Variants in PRUNE2 observed in about 807,000 individuals in gnomAD.
PRUNE2 encodes the protein protein prune homolog 2.
PRUNE2 carries 164 observed loss-of-function variants against 252.0 expected under a neutral mutation model. The observed-to-expected ratio is 0.65, with a 90% CI of 0.57 to 0.74. PRUNE2 has a LOEUF of 0.74. Ranked by LOEUF, PRUNE2 falls within the 30% of genes least tolerant of loss-of-function variation. The pLI is 0.00. For missense variants in PRUNE2, 3,495 were observed against 3,711.0 expected, an observed-to-expected ratio of 0.94 and a Z score of 1.51; for synonymous variants, 1,292 against 1,350.2, an observed-to-expected ratio of 0.96 and a Z score of 0.94.
chr9:76,639,003 T>C (rs1358226688), intron 12 of PRUNE2, among the ~76,000 whole-genome samples: 2 of 152,324 alleles, frequency 1.3e-5, no homozygotes, highest in Middle Eastern at 3.4e-3. Context: ...CACATTGGGC[T>C]CTGGGAGGAC....
intron 6 of PRUNE2, among the ~76,000 whole-genome samples, chr9:76,797,696 G>A (rs1308512171): frequency 7.1e-6 from 1 of 140,420 alleles, no homozygotes; most frequent in Non-Finnish European, 1.5e-5. Flanking sequence ...CCGCAACCAA[G>A]TACACAGGAT....
chr9:76,868,470 T>C (rs758012469), intron 1 of PRUNE2, among the ~76,000 whole-genome samples: 1 of 152,148 alleles, frequency 6.6e-6, no homozygotes, highest in Non-Finnish European at 1.5e-5. Context: ...AGCAATCCCC[T>C]GGACAAGGTG....
intron 9 of PRUNE2, among the ~76,000 whole-genome samples, chr9:76,702,443 C>T (rs573354131): frequency 3.3e-5 from 5 of 152,260 alleles, no homozygotes; most frequent in African/African-American, 1.2e-4. Context: ...TCTTTTGTCC[C>T]TGGAAGCAGG....
rs372014701 is a variant in PRUNE2, at chr9:76,637,441, T to G, written c.8940A>C (p.Lys2980Asn). Residue 2980 changes from lysine (K) to asparagine (N), a missense_variant, in exon 14 of 19, where the codon AAA (lysine) becomes AAC (asparagine). Physicochemically the swap from Lys to Asn is moderately conservative, Grantham distance 94. Transcript: ENST00000376718. ...ACCGTCTGTCAATCATCTGGTAGCA[T>G]TTCTTCATCCAGCCTAGCCCTGGCA... ...RRMPGLGWMK[K>N]CYQMIDRRLR... 3 of 1,613,764 alleles carry G rather than the reference T, an allele frequency of 1.9e-6. No individual in the cohort carries two copies. Among genetic ancestry groups the G allele is most frequent in the Non-Finnish European group, 2.5e-6 (3 of 1,179,808 alleles).
chr9:76,885,908 G>A (rs11999398), intron 1 of PRUNE2, among the ~76,000 whole-genome samples: 5,207 of 152,034 alleles, frequency 0.034, 324 homozygotes, highest in African/African-American at 0.12. Context: ...GGCCGGGTGC[G>A]GCGGTTTACG....
intron 15 of PRUNE2, among the ~76,000 whole-genome samples, chr9:76,632,957 C>T (rs767580480): frequency 1.3e-4 from 20 of 152,322 alleles, no homozygotes; most frequent in African/African-American, 3.1e-4. Context: ...CGCAGTGTCT[C>T]GTACCTGTAG....
At chr9:76,780,466 T>G (rs984115771) in intron 6 of PRUNE2, among the ~76,000 whole-genome samples, 45 of 151,970 alleles carry the variant, frequency 3.0e-4, no homozygotes, top group African/African-American at 1.0e-3. Context: ...GGCGGGCGGA[T>G]CACGAGGCCA....
chr9:76,824,170 C>G (rs182074628), intron 5 of PRUNE2, among the ~76,000 whole-genome samples: 1 of 152,158 alleles, frequency 6.6e-6, no homozygotes, highest in South Asian at 2.1e-4. Flanking sequence ...CCTACCTGTT[C>G]CTAACTCTTC....
chr9:76,896,387 T>C (rs370003468), intron 1 of PRUNE2, among the ~76,000 whole-genome samples: 1 of 152,182 alleles, frequency 6.6e-6, no homozygotes, highest in South Asian at 2.1e-4. Context: ...GATGATAGGT[T>C]TTCAATAATC....
At chr9:76,872,070 T>A (rs942942679) in intron 1 of PRUNE2, among the ~76,000 whole-genome samples, 2 of 151,986 alleles carry the variant, frequency 1.3e-5, no homozygotes, top group Non-Finnish European at 2.9e-5. Context: ...AAACAACAGA[T>A]ACCATGCCAA....
chr9:76,754,822 T>C (rs1297029760), intron 6 of PRUNE2, among the ~76,000 whole-genome samples: 4 of 151,702 alleles, frequency 2.6e-5, no homozygotes, highest in Non-Finnish European at 5.9e-5. Context: ...AAAAATTAGC[T>C]GGGCATGTTG....
intron 11 of PRUNE2, among the ~76,000 whole-genome samples, chr9:76,648,746 C>T (rs1845974878): frequency 6.6e-6 from 1 of 152,190 alleles, no homozygotes; most frequent in Admixed American, 6.5e-5. Context: ...TGCCACTATA[C>T]ATTTGCTTAA....
chr9:76,826,452 G>T, intron 5 of PRUNE2, 128 bp downstream of exon 5: 2 of 671,218 alleles, frequency 3.0e-6, no homozygotes, highest in African/African-American at 3.7e-5. Flanking sequence ...CAGCCTGGGG[G>T]ATAGAGTGAG....
chr9:76,859,608 T>C (rs1351971192), intron 1 of PRUNE2, among the ~76,000 whole-genome samples: 1 of 152,138 alleles, frequency 6.6e-6, no homozygotes, highest in Non-Finnish European at 1.5e-5. Context: ...AAGAGTTTAA[T>C]CATCACAGGG....
intron 4 of PRUNE2, among the ~76,000 whole-genome samples, chr9:76,841,186 T>C (rs1288769579): frequency 1.3e-5 from 2 of 151,884 alleles, no homozygotes; most frequent in African/African-American, 4.8e-5. Flanking sequence ...CAGGGTGGGG[T>C]ATCGCCTCAC....
At chr9:76,810,080 C>A (rs7864038) in intron 6 of PRUNE2, among the ~76,000 whole-genome samples, 90,290 of 152,074 alleles carry the variant, frequency 0.59, 27,826 homozygotes, top group African/African-American at 0.77. Context: ...AACAATGGAG[C>A]ATCATCCACA....
intron 1 of PRUNE2, among the ~76,000 whole-genome samples, chr9:76,899,912 G>A (rs1466548836): frequency 2.6e-5 from 4 of 152,150 alleles, no homozygotes; most frequent in East Asian, 1.9e-4. Context: ...CAGGTCATAC[G>A]AAAAGTGTGT....
At chr9:76,649,122 T>G (rs1259814916) in intron 11 of PRUNE2, among the ~76,000 whole-genome samples, 1 of 152,110 alleles carries the variant, frequency 6.6e-6, no homozygotes, top group East Asian at 1.9e-4. Flanking sequence ...GAACCTAAAG[T>G]TGCTCTAAAG....
chr9:76,832,796 A>G (rs1263567910), intron 4 of PRUNE2, among the ~76,000 whole-genome samples: 1 of 152,056 alleles, frequency 6.6e-6, no homozygotes, highest in Non-Finnish European at 1.5e-5. Context: ...AAACAATTCA[A>G]GAAAAAAAGA....
Sources: allele counts gnomAD v4.1 joint callset (sites outside exome capture counted in the v4.1 genomes callset), GRCh38; gene constraint gnomAD v4.1.1; transcripts MANE v1.5; gene names NCBI Gene and HGNC (gene_info 2026-07-23, HGNC 2026-07-21).